Variants in RCC1 observed in about 807,000 individuals in gnomAD.
RCC1 encodes the protein regulator of chromosome condensation 1.
Under a neutral mutation model 44.4 loss-of-function variants are expected in RCC1, and 11 were observed. The observed-to-expected ratio is 0.25, with a 90% CI of 0.16 to 0.41. RCC1 has a LOEUF of 0.41. Among genes scored for constraint, RCC1 ranks in the 10% least tolerant of loss-of-function variants. RCC1 has a pLI of 1.00. For missense variants in RCC1, 386 were observed against 547.1 expected (o/e 0.71, Z 2.94); for synonymous variants, 213 against 216.5 (o/e 0.98, Z 0.14).
At chr1:28,512,134 C>T (rs1279868881) in intron 3 of RCC1, among the ~76,000 whole-genome samples, 2 of 151,782 alleles carry the variant, frequency 1.3e-5, no homozygotes, top group East Asian at 1.9e-4. Flanking sequence ...GCACCGCACC[C>T]GGCTAATTTT....
chr1:28,507,135 A>AGG (rs1488507488), intron 1 of RCC1: 1 of 268,136 alleles, frequency 3.7e-6, no homozygotes, highest in Non-Finnish European at 7.6e-6. Flanking sequence ...AGCTGGGCCT[A>AGG]ATTGTTGTCT....
At chr1:28,529,980 T>C (rs1417171153) in intron 5 of RCC1, 41 bp downstream of exon 5, 4 of 1,529,114 alleles carry the variant, frequency 2.6e-6, no homozygotes, top group African/African-American at 1.4e-5. Context: ...AGGTGGCCCC[T>C]TGAAACCCTA....
intron 1 of RCC1, chr1:28,506,642 GCCACCC>G (rs897154724): frequency 1.0e-4 from 18 of 179,306 alleles, no homozygotes; most frequent in Admixed American, 8.8e-4. Flanking sequence ...AAGGTGCACC[GCCACCC>G]CCACTGTTTA....
intron 1 of RCC1, chr1:28,507,681 C>T (rs1216477727): frequency 7.9e-6 from 3 of 379,466 alleles, no homozygotes; most frequent in African/African-American, 6.5e-5. Flanking sequence ...ATTGCCTCTG[C>T]CTCCCGGGTT....
At chr1:28,531,711 C>T (rs1023179567) in intron 5 of RCC1, 92 bp from the exon 6 acceptor site, 4 of 1,066,180 alleles carry the variant, frequency 3.8e-6, no homozygotes, top group Admixed American at 2.8e-5. Flanking sequence ...AGAGCAGGGG[C>T]TTCTGCACAG....
chr1:28,534,114 G>GT (rs1038117136), intron 7 of RCC1, among the ~76,000 whole-genome samples: 26 of 151,940 alleles, frequency 1.7e-4, no homozygotes, highest in Non-Finnish European at 3.4e-4. Context: ...CTGATCTCAG[G>GT]TGATCCGCCC....
intron 3 of RCC1, chr1:28,511,030 A>G (rs1337900892): frequency 6.6e-6 from 1 of 152,130 alleles, no homozygotes; most frequent in Non-Finnish European, 1.5e-5. Context: ...TTCAGGTCCC[A>G]CTCTGCTAAA....
intron 4 of RCC1, among the ~76,000 whole-genome samples, chr1:28,519,464 C>G (rs61785982): frequency 8.6e-5 from 13 of 151,920 alleles, no homozygotes; most frequent in Non-Finnish European, 1.3e-4. Context: ...TTCTGTTCAT[C>G]GTTACAACTT....
intron 4 of RCC1, among the ~76,000 whole-genome samples, chr1:28,522,931 T>C (rs1170628817): frequency 6.6e-6 from 1 of 151,286 alleles, no homozygotes; most frequent in Non-Finnish European, 1.5e-5. Flanking sequence ...CAGTGAAAAG[T>C]TGCTGTCTTT....
chr1:28,508,118 T>A lies in RCC1; in HGVS notation c.-261-10T>A. ...TTGCTGTACTAATAGATTAATATCTTGTTTTGCAGGATTTGTTAAGGATTC... is the reference window on the plus strand; with the variant it reads ...TTGCTGTACTAATAGATTAATATCTAGTTTTGCAGGATTTGTTAAGGATTC... On this transcript the variant is annotated splice_polypyrimidine_tract_variant and intron_variant, in intron 1 of 12. Coordinates refer to ENST00000683442, the MANE Select transcript of RCC1 (RefSeq NM_001381865.2). The A allele has an allele frequency of 2.3e-6, 1 of 443,530 alleles. No individual in the cohort carries two copies. The highest frequency in any genetic ancestry group is 2.4e-5 in the Admixed American group (1 of 41,452). 27.5% of individuals were successfully genotyped at this position (443,530 alleles called of 1,614,324 possible). A position where few individuals can be genotyped will look rare whatever the true frequency, so the allele number is the denominator to read the frequency against.
Position 28,537,996 on chromosome 1 carries a change from G to C in RCC1, c.1255G>C (p.Glu419Gln). ...TACAGTCTTATTAGTCAAGGACAAA[G>C]AACAGAGCTGATGAAGCCTCTGAGG... ...QHTVLLVKDK[E>Q]QS Residue 419 changes from glutamate to glutamine, a missense_variant, in exon 13 of 13, where the codon GAA becomes CAA. Transcript: ENST00000683442. 1 of 1,613,350 alleles carries C rather than the reference G, an allele frequency of 6.2e-7. No homozygotes were observed. The highest frequency in any genetic ancestry group is 8.5e-7 in the Non-Finnish European group (1 of 1,179,748).
intron 4 of RCC1, among the ~76,000 whole-genome samples, chr1:28,521,505 A>G (rs1663280953): frequency 1.2e-5 from 1 of 81,370 alleles, no homozygotes; most frequent in South Asian, 3.3e-4. Flanking sequence ...ACCTCAGAAA[A>G]AAAAAAAAAA....
chr1:28,516,527 G>T (rs1464611305), intron 3 of RCC1, among the ~76,000 whole-genome samples, 198 bp from the exon 4 acceptor site: 1 of 151,192 alleles, frequency 6.6e-6, no homozygotes, highest in African/African-American at 2.4e-5. Context: ...AAGAGTTGAG[G>T]TCTCCTTCCA....
At chr1:28,522,044 TG>T (rs890022971) in intron 4 of RCC1, among the ~76,000 whole-genome samples, 2 of 152,228 alleles carry the variant, frequency 1.3e-5, no homozygotes, top group African/African-American at 4.8e-5. Context: ...GTTTTGCATA[TG>T]GAAGATACAG....
intron 7 of RCC1, among the ~76,000 whole-genome samples, chr1:28,532,921 T>C (rs1393717648): frequency 6.6e-6 from 1 of 152,142 alleles, no homozygotes; most frequent in African/African-American, 2.4e-5. Context: ...GTTTAAGTGA[T>C]TCTCCTGCCT....
At chr1:28,530,059 A>G (rs1447067794) in intron 5 of RCC1, 120 bp downstream of exon 5, 1 of 690,676 alleles carries the variant, frequency 1.4e-6, no homozygotes. Flanking sequence ...CAGAGACCCC[A>G]CCCAGCTGGA....
intron 4 of RCC1, among the ~76,000 whole-genome samples, chr1:28,521,501 G>GAAAAAA (rs71586849): frequency 1.8e-5 from 1 of 56,802 alleles, no homozygotes; most frequent in Non-Finnish European, 4.5e-5. Context: ...CTCCACCTCA[G>GAAAAAA]AAAAAAAAAA....
rs759568126 is a variant in RCC1 at position 28,535,881 on chromosome 1, G to A, written c.672G>A (p.Leu224=). ...RGGRQGLERL[L]VPKCVMLKSR... is the part of the protein sequence containing the mutation. Reference sequence around the variant, plus strand: ...TCCCTTTGCCTGCAGAACGACTCCTGGTCCCCAAGTGTGTGATGCTGAAAT... The same window carrying A: ...TCCCTTTGCCTGCAGAACGACTCCTAGTCCCCAAGTGTGTGATGCTGAAAT... Residue 224 remains leucine, a synonymous_variant, in exon 10 of 13, where the codon CTG becomes CTA. Transcript: ENST00000683442. 2.5e-6 allele frequency: 4 copies of A among 1,612,900 alleles called. No homozygotes were observed. Among genetic ancestry groups the A allele is most frequent in the Non-Finnish European group, 3.4e-6 (4 of 1,179,396 alleles).
intron 9 of RCC1, 180 bp downstream of exon 9, chr1:28,535,560 C>A: frequency 1.0e-6 from 1 of 967,118 alleles, no homozygotes; most frequent in East Asian, 2.6e-5. Flanking sequence ...GGACTCTGAA[C>A]ATAGTTTCTT....
Sources: allele counts gnomAD v4.1 joint callset (sites outside exome capture counted in the v4.1 genomes callset), GRCh38; gene constraint gnomAD v4.1.1; transcripts MANE v1.5; gene names NCBI Gene and HGNC (gene_info 2026-07-23, HGNC 2026-07-21).